Variants in CALN1 observed in about 807,000 individuals in gnomAD.
CALN1 encodes calcium-binding protein 8.
Under a neutral mutation model 30.6 loss-of-function variants are expected in CALN1, and 17 were observed. The ratio of observed to expected loss-of-function variants is 0.56; its 90% CI spans 0.38 to 0.83. The LOEUF (loss-of-function observed/expected upper bound fraction) is 0.83. Ranked by LOEUF, CALN1 falls within the 40% of genes least tolerant of loss-of-function variation. The pLI, the probability that CALN1 is intolerant of heterozygous loss-of-function variation, is 0.00. For missense variants in CALN1, 291 were observed against 354.9 expected (o/e 0.82, Z 1.45); for synonymous variants, 156 against 131.4 (o/e 1.19, Z -1.28).
chr7:71,844,829 CAT>C (rs372986798), intron 5 of CALN1, among the ~76,000 whole-genome samples: 364 of 152,280 alleles, frequency 2.4e-3, no homozygotes, highest in South Asian at 7.9e-3. Flanking sequence ...GGAAACATCA[CAT>C]GTTTTAAATT....
chr7:72,119,887 G>C (rs535645577), intron 3 of CALN1, among the ~76,000 whole-genome samples: 2 of 152,284 alleles, frequency 1.3e-5, no homozygotes, highest in African/African-American at 4.8e-5. Flanking sequence ...GATGAGATTT[G>C]GGTGAGGACA....
intron 5 of CALN1, among the ~76,000 whole-genome samples, chr7:71,991,503 G>C (rs1798952299): frequency 6.6e-6 from 1 of 151,708 alleles, no homozygotes; most frequent in Admixed American, 6.6e-5. Context: ...TGGATGGAAG[G>C]CCTGTGCCTA....
intron 2 of CALN1, among the ~76,000 whole-genome samples, chr7:72,366,536 T>C (rs934392166): frequency 2.2e-5 from 2 of 89,690 alleles, no homozygotes; most frequent in Non-Finnish European, 4.3e-5. Context: ...TTTGGGTGCA[T>C]GGATGAATTT....
chr7:72,084,687 A>G (rs1460979815), intron 4 of CALN1, among the ~76,000 whole-genome samples: 1 of 152,114 alleles, frequency 6.6e-6, no homozygotes, highest in Non-Finnish European at 1.5e-5. Context: ...ACAGGAACCA[A>G]AGAGTACTGA....
intron 4 of CALN1, among the ~76,000 whole-genome samples, chr7:72,038,286 G>A (rs1466316431): frequency 6.6e-6 from 1 of 152,080 alleles, no homozygotes; most frequent in Non-Finnish European, 1.5e-5. Context: ...AGCTTCTCCT[G>A]GAAGTTTCAG....
At chr7:72,469,622 C>A in the CALN1 span, among the ~76,000 whole-genome samples, 1 of 152,146 alleles carries the variant, frequency 6.6e-6, no homozygotes, top group African/African-American at 2.4e-5. Context: ...TGGTCTCGAA[C>A]TCCTGACCTC....
At chr7:72,310,924 A>AC (rs1562871441) in intron 2 of CALN1, among the ~76,000 whole-genome samples, 3 of 143,484 alleles carry the variant, frequency 2.1e-5, no homozygotes, top group South Asian at 2.3e-4. Flanking sequence ...AAAAAAAAAA[A>AC]AAAACAAAAA....
chr7:72,186,523 A>G (rs1790201214), intron 3 of CALN1, among the ~76,000 whole-genome samples: 1 of 152,104 alleles, frequency 6.6e-6, no homozygotes, highest in African/African-American at 2.4e-5. Context: ...CCCCTTACAC[A>G]AGCAGTGAAC....
intron 5 of CALN1, among the ~76,000 whole-genome samples, chr7:71,989,476 A>C (rs1364369886): frequency 6.6e-6 from 1 of 151,826 alleles, no homozygotes; most frequent in East Asian, 1.9e-4. Context: ...CAAGGCCAAT[A>C]TCTGGGAGGA....
intron 5 of CALN1, among the ~76,000 whole-genome samples, chr7:72,006,403 CT>C (rs1799774512): frequency 6.6e-6 from 1 of 151,996 alleles, no homozygotes; most frequent in Non-Finnish European, 1.5e-5. Flanking sequence ...AATAAAATAG[CT>C]TAAAAGCAAA....
intron 5 of CALN1, among the ~76,000 whole-genome samples, chr7:71,927,072 T>C (rs1243880226): frequency 6.6e-6 from 1 of 152,208 alleles, no homozygotes; most frequent in Non-Finnish European, 1.5e-5. Context: ...ATGAACACTG[T>C]GAGGTATGAT....
At chr7:72,308,399 G>A (rs1799813520) in intron 2 of CALN1, among the ~76,000 whole-genome samples, 1 of 142,928 alleles carries the variant, frequency 7.0e-6, no homozygotes, top group African/African-American at 2.7e-5. Flanking sequence ...GAGAGAGAGA[G>A]AGAGAGGAAA....
At chr7:72,456,906 ATC>A in the CALN1 span, among the ~76,000 whole-genome samples, 11 of 151,996 alleles carry the variant, frequency 7.2e-5, no homozygotes, top group African/African-American at 2.7e-4. Flanking sequence ...TATCTAAGGG[ATC>A]TGTCTTAGAG....
chr7:72,228,780 G>T (rs371557039), intron 3 of CALN1, among the ~76,000 whole-genome samples: 1 of 141,942 alleles, frequency 7.0e-6, no homozygotes, highest in African/African-American at 2.7e-5. Flanking sequence ...TTTATTTATT[G>T]AGACAAGGTC....
At chr7:71,862,030 A>G (rs997281162) in intron 5 of CALN1, among the ~76,000 whole-genome samples, 1 of 152,176 alleles carries the variant, frequency 6.6e-6, no homozygotes, top group Non-Finnish European at 1.5e-5. Flanking sequence ...CTCAAAGGTT[A>G]GCAACTAACT....
intron 2 of CALN1, among the ~76,000 whole-genome samples, chr7:72,358,289 C>T (rs1022673025): frequency 3.3e-5 from 5 of 152,012 alleles, no homozygotes; most frequent in Non-Finnish European, 7.3e-5. Flanking sequence ...GCCACTACCA[C>T]GCCTAGCCTT....
intron 5 of CALN1, among the ~76,000 whole-genome samples, chr7:71,890,629 T>G (rs1171735902): frequency 6.6e-6 from 1 of 152,192 alleles, no homozygotes; most frequent in African/African-American, 2.4e-5. Context: ...TAACTACTGA[T>G]AGTATTTGGT....
At chr7:72,074,251 A>G (rs947049376) in intron 4 of CALN1, among the ~76,000 whole-genome samples, 13 of 152,184 alleles carry the variant, frequency 8.5e-5, no homozygotes, top group Admixed American at 2.0e-4. Flanking sequence ...GAAAAATATC[A>G]TATTGGACCC....
chr7:71,951,280 C>A (rs1796676765), intron 5 of CALN1, among the ~76,000 whole-genome samples: 1 of 152,160 alleles, frequency 6.6e-6, no homozygotes, highest in Non-Finnish European at 1.5e-5. Context: ...TAAAGAAATG[C>A]TTTTACTTAC....
Sources: gnomAD v4.1 joint callset for allele counts (sites outside exome capture counted in the v4.1 genomes callset) on GRCh38, gnomAD v4.1.1 for gene constraint, MANE v1.5 for transcripts, NCBI Gene and HGNC (gene_info 2026-07-23, HGNC 2026-07-21) for gene names.